Variants in PRKAR1B observed in about 807,000 individuals in gnomAD.
PRKAR1B encodes cAMP-dependent protein kinase type I-beta regulatory subunit.
PRKAR1B carries 22 observed loss-of-function variants against 46.5 expected under a neutral mutation model. That is an observed-to-expected ratio of 0.47 (90% CI 0.34 to 0.68). The LOEUF (loss-of-function observed/expected upper bound fraction) is 0.68. Ranked by LOEUF, PRKAR1B falls within the 30% of genes least tolerant of loss-of-function variation. The pLI, the probability that PRKAR1B is intolerant of heterozygous loss-of-function variation, is 0.01. For missense variants in PRKAR1B, 445 were observed against 535.6 expected, an observed-to-expected ratio of 0.83 and a Z score of 1.67; for synonymous variants, 259 against 217.7, an observed-to-expected ratio of 1.19 and a Z score of -1.67.
chr7:611,342 C>T (rs932238649), intron 4 of PRKAR1B, among the ~76,000 whole-genome samples: 1 of 152,182 alleles, frequency 6.6e-6, no homozygotes, highest in Non-Finnish European at 1.5e-5. Context: ...GCGTCTGGGA[C>T]GGCCACCCCC....
rs1186492658 is a variant in PRKAR1B at position 714,126 on chromosome 7, A to G, written c.-22-2599T>C. Among the ~76,000 whole-genome samples, 1 of 151,912 alleles carries G rather than the reference A, an allele frequency of 6.6e-6. No homozygotes were observed. The highest frequency in any genetic ancestry group is 1.5e-5 in the Non-Finnish European group (1 of 67,988). On this transcript the variant is annotated intron_variant, in intron 1 of 10. Transcript: ENST00000537384. The surrounding 1 kb of genome is among the most constrained non-coding windows in gnomAD (Gnocchi z 4.3). ...AATTACTCCTGCTCCTCCAGGGTAG[A>G]CTGGTGAGGACAGCAAAAAAGACCC...
intron 4 of PRKAR1B, among the ~76,000 whole-genome samples, chr7:672,375 C>G (rs1583396465): frequency 1.3e-5 from 2 of 151,838 alleles, no homozygotes; most frequent in Non-Finnish European, 1.5e-5. Context: ...TGGTCTTGAA[C>G]TCCTGGCCTC....
At chr7:637,691 C>G (rs1156443466) in intron 4 of PRKAR1B, among the ~76,000 whole-genome samples, 2 of 151,804 alleles carry the variant, frequency 1.3e-5, no homozygotes, top group East Asian at 2.0e-4. Context: ...AAAAATTAGC[C>G]GGGTGTGGTG....
intron 3 of PRKAR1B, 73 bp from the exon 4 acceptor site, chr7:677,393 A>T: frequency 1.6e-6 from 2 of 1,276,756 alleles, no homozygotes; most frequent in Non-Finnish European, 2.3e-6. Context: ...AAATCTCCCT[A>T]CTCCACCCTC....
intron 4 of PRKAR1B, among the ~76,000 whole-genome samples, chr7:656,310 ATGAATGAATGGG>A (rs765496577): frequency 1.8e-4 from 28 of 152,160 alleles, no homozygotes; most frequent in Non-Finnish European, 3.4e-4. Context: ...GAGCTAATGA[ATGAATGAATGGG>A]TGAATGAATG....
intron 6 of PRKAR1B, among the ~76,000 whole-genome samples, chr7:599,401 G>A (rs557021876): frequency 1.2e-3 from 186 of 151,972 alleles, no homozygotes; most frequent in Non-Finnish European, 1.7e-3. Flanking sequence ...AGGTTCAAGC[G>A]ATTCTCCCGC....
At chr7:563,487 C>G in intron 9 of PRKAR1B, among the ~76,000 whole-genome samples, 1 of 152,260 alleles carries the variant, frequency 6.6e-6, no homozygotes, top group East Asian at 1.9e-4. Context: ...TGTCCCAGCC[C>G]CAGGGGGCCC....
intron 9 of PRKAR1B, among the ~76,000 whole-genome samples, chr7:567,428 CACCAT>C (rs796717699): frequency 0.083 from 12,015 of 144,134 alleles, 639 homozygotes; most frequent in East Asian, 0.19. Flanking sequence ...TCACCATCAT[CACCAT>C]CATCATCACC....
At position 550,358 on chromosome 7, in the gene PRKAR1B, G is replaced by A. The variant is rs890820204; in HGVS notation, c.*72C>T. The stretch of plus-strand genomic sequence containing the variant: ...GCCCACACCTCACACAGCGGCTCCC[G>A]GGCCCCCGACACAGACGAGCAGGGC... On this transcript the variant is annotated 3_prime_UTR_variant, in exon 11 of 11. Coordinates refer to ENST00000537384, the MANE Select transcript of PRKAR1B (RefSeq NM_001164760.2). The A allele has an allele frequency of 4.7e-5, 68 of 1,451,016 alleles. No individual in the cohort carries two copies. The highest frequency in any genetic ancestry group is 6.0e-5 in the Non-Finnish European group (64 of 1,061,342). 89.9% of individuals were successfully genotyped at this position (1,451,016 alleles called of 1,614,324 possible).
At chr7:576,203 A>G (rs184604973) in intron 9 of PRKAR1B, among the ~76,000 whole-genome samples, 230 of 132,872 alleles carry the variant, frequency 1.7e-3, no homozygotes, top group African/African-American at 5.8e-3. Context: ...GCACATGGGC[A>G]GGCGTGCACG....
chr7:650,929 G>A (rs959784933), intron 4 of PRKAR1B, among the ~76,000 whole-genome samples: 4 of 152,130 alleles, frequency 2.6e-5, no homozygotes, highest in Non-Finnish European at 5.9e-5. Context: ...ACCGGCCACC[G>A]AGAGCCCTGA....
At chr7:629,070 C>T (rs1265979662) in intron 4 of PRKAR1B, among the ~76,000 whole-genome samples, 4 of 152,258 alleles carry the variant, frequency 2.6e-5, no homozygotes, top group African/African-American at 7.2e-5. Flanking sequence ...GAGCCCGCTC[C>T]GTGCAGAAGA....
intron 2 of PRKAR1B, among the ~76,000 whole-genome samples, chr7:700,024 C>A (rs1779977810): frequency 6.6e-6 from 1 of 152,036 alleles, no homozygotes. Flanking sequence ...TATCTGTGTG[C>A]CAGAGGTAGG....
At position 560,579 on chromosome 7, in the gene PRKAR1B, G is replaced by C. The variant is rs1445379744; in HGVS notation, c.892-9109C>G. ...AGGAGGCTCCTGTCCTGCACCTTGGGCCAGGTCATCAGCACCAAAATCGGG... is the reference window on the plus strand; with the variant it reads ...AGGAGGCTCCTGTCCTGCACCTTGGCCCAGGTCATCAGCACCAAAATCGGG... On this transcript the variant is annotated intron_variant, in intron 9 of 10. Coordinates refer to ENST00000537384, the MANE Select transcript of PRKAR1B (RefSeq NM_001164760.2). The surrounding 1 kb of genome is among the most constrained non-coding windows in gnomAD (Gnocchi z 4.2). Among the ~76,000 whole-genome samples the C allele has an allele frequency of 6.6e-6, 1 of 152,080 alleles. No individual in the cohort carries two copies. Among genetic ancestry groups the C allele is most frequent in the Non-Finnish European group, 1.5e-5 (1 of 68,014 alleles).
At chr7:576,069 C>CACGG (rs1779805897) in intron 9 of PRKAR1B, among the ~76,000 whole-genome samples, 6 of 151,684 alleles carry the variant, frequency 4.0e-5, no homozygotes, top group Admixed American at 6.6e-5. Flanking sequence ...ACACAGGCAT[C>CACGG]CTCTCCTCTG....
At chr7:606,264 A>G in intron 5 of PRKAR1B, 25 bp from the exon 6 acceptor site, 1 of 1,609,922 alleles carries the variant, frequency 6.2e-7, no homozygotes, top group South Asian at 1.1e-5. Flanking sequence ...GAAAGTCAAC[A>G]GATACAAAGT....
Position 562,884 on chromosome 7 carries a change from A to AGAGATGCCCTGACCCCACCT in PRKAR1B, c.892-11415_892-11414insAGGTGGGGTCAGGGCATCTC, listed in dbSNP as rs377527137. ...CCAGCTGAGATGCCCAGACACCAGC[A>AGAGATGCCCTGACCCCACCT]GAGATGCCCTGACCCTCGCCCGCCA... On this transcript the variant is annotated intron_variant, in intron 9 of 10. Coordinates refer to ENST00000537384, the MANE Select transcript of PRKAR1B (RefSeq NM_001164760.2). Among the ~76,000 whole-genome samples the AGAGATGCCCTGACCCCACCT allele has an allele frequency of 4.7e-3, 710 of 152,262 alleles. 8 individuals carry two copies. The highest frequency in any genetic ancestry group is 0.016 in the African/African-American group (681 of 41,528).
chr7:683,896 C>T (rs1453221301), intron 2 of PRKAR1B, among the ~76,000 whole-genome samples: 1 of 152,242 alleles, frequency 6.6e-6, no homozygotes, highest in Non-Finnish European at 1.5e-5. Flanking sequence ...CCCAGAGGCC[C>T]CCACTTCTTC....
At chr7:658,631 T>G (rs142587373) in intron 4 of PRKAR1B, among the ~76,000 whole-genome samples, 2 of 152,260 alleles carry the variant, frequency 1.3e-5, no homozygotes, top group African/African-American at 4.8e-5. Flanking sequence ...TTTTGAAGTT[T>G]TCCACGATAA....
Sources: gnomAD v4.1 joint callset for allele counts (sites outside exome capture counted in the v4.1 genomes callset) on GRCh38, gnomAD v4.1.1 for gene constraint, Gnocchi (gnomAD v3.1) non-coding constraint, MANE v1.5 for transcripts, NCBI Gene and HGNC (gene_info 2026-07-23, HGNC 2026-07-21) for gene names.